Variants in PTPRD observed in about 807,000 individuals in gnomAD.
PTPRD encodes the protein receptor-type tyrosine-protein phosphatase delta.
In PTPRD, 34 loss-of-function variants were observed where a neutral mutation model predicts 214.5. The observed-to-expected ratio is 0.16, with a 90% CI of 0.12 to 0.21. PTPRD has a LOEUF of 0.21. Ranked by LOEUF, PTPRD falls within the 10% of genes least tolerant of loss-of-function variation. The pLI, the probability that PTPRD is intolerant of heterozygous loss-of-function variation, is 1.00. For synonymous variants in PTPRD, 1,128 were observed against 845.7 expected (o/e 1.33, Z -5.79); for missense variants, 2,545 against 2,398.7 (o/e 1.06, Z -1.27).
chr9:8,523,874 T>TA (rs1564056502), intron 18 of PTPRD, among the ~76,000 whole-genome samples: 2 of 151,876 alleles, frequency 1.3e-5, no homozygotes, highest in South Asian at 4.1e-4. Flanking sequence ...CCAGACTCCA[T>TA]AAAAAAAGAA....
intron 7 of PTPRD, among the ~76,000 whole-genome samples, chr9:9,718,927 G>T (rs2097884274): frequency 6.6e-6 from 1 of 151,996 alleles, no homozygotes; most frequent in Non-Finnish European, 1.5e-5. Flanking sequence ...GAGGCAGACA[G>T]GTTCCTAAGT....
intron 8 of PTPRD, among the ~76,000 whole-genome samples, chr9:9,543,466 TTTTTA>T (rs1185318824): frequency 6.6e-6 from 1 of 151,710 alleles, no homozygotes; most frequent in African/African-American, 2.4e-5. Flanking sequence ...AATATAATTG[TTTTTA>T]TTTTATGTAA....
intron 11 of PTPRD, among the ~76,000 whole-genome samples, chr9:8,787,630 G>A (rs73427044): frequency 0.013 from 1,915 of 152,310 alleles, 44 homozygotes; most frequent in African/African-American, 0.043. Flanking sequence ...GAAGAAGGTA[G>A]AGAAACGGAG....
At chr9:10,337,232 T>C (rs1325692305) in intron 3 of PTPRD, among the ~76,000 whole-genome samples, 3 of 151,700 alleles carry the variant, frequency 2.0e-5, no homozygotes, top group Non-Finnish European at 4.4e-5. Context: ...TGAAACAGAA[T>C]TTTCCCCCTC....
intron 11 of PTPRD, among the ~76,000 whole-genome samples, chr9:9,012,215 C>T (rs1421548704): frequency 1.3e-5 from 2 of 152,136 alleles, no homozygotes; most frequent in Non-Finnish European, 2.9e-5. Flanking sequence ...CTTGAGTAAA[C>T]TTGGAAGAGA....
chr9:8,958,854 A>G (rs1033213816), intron 11 of PTPRD: 1 of 152,022 alleles, frequency 6.6e-6, no homozygotes, highest in African/African-American at 2.4e-5. Flanking sequence ...GAGAGGTAAG[A>G]TAATAGAGAA....
At chr9:8,822,090 GT>G (rs1284845946) in intron 11 of PTPRD, among the ~76,000 whole-genome samples, 2 of 152,156 alleles carry the variant, frequency 1.3e-5, no homozygotes, top group Non-Finnish European at 2.9e-5. Context: ...ATTTTTAGTG[GT>G]TTTGGTTTTG....
intron 12 of PTPRD, among the ~76,000 whole-genome samples, chr9:8,637,775 C>T (rs1382324840): frequency 6.6e-6 from 1 of 152,050 alleles, no homozygotes; most frequent in Non-Finnish European, 1.5e-5. Context: ...ATTTCTGTCA[C>T]AGTGAAATAA....
chr9:8,516,043 G>A (rs971969930), intron 21 of PTPRD, among the ~76,000 whole-genome samples: 10 of 152,190 alleles, frequency 6.6e-5, no homozygotes, highest in African/African-American at 2.4e-4. Context: ...AATCACAGCT[G>A]AGAAATTTAA....
At chr9:9,581,018 C>A (rs1051446003) in intron 7 of PTPRD, among the ~76,000 whole-genome samples, 2 of 151,838 alleles carry the variant, frequency 1.3e-5, no homozygotes, top group African/African-American at 4.8e-5. Flanking sequence ...AAGGGGAGGA[C>A]ATGTGAAAGA....
intron 9 of PTPRD, among the ~76,000 whole-genome samples, chr9:9,206,331 G>A (rs1270218824): frequency 6.6e-6 from 1 of 152,154 alleles, no homozygotes; most frequent in Non-Finnish European, 1.5e-5. Flanking sequence ...GTGCGTAAAG[G>A]CATGACATGA....
intron 9 of PTPRD, among the ~76,000 whole-genome samples, chr9:9,321,099 C>T (rs1176084794): frequency 6.6e-6 from 1 of 152,174 alleles, no homozygotes; most frequent in Non-Finnish European, 1.5e-5. Context: ...CACAAATTAA[C>T]ATCACTGCAT....
At chr9:9,355,800 C>T (rs1016769722) in intron 9 of PTPRD, among the ~76,000 whole-genome samples, 1 of 151,250 alleles carries the variant, frequency 6.6e-6, no homozygotes, top group Non-Finnish European at 1.5e-5. Flanking sequence ...AAACCTGGAG[C>T]ATTTCAATGT....
At chr9:10,336,397 A>T (rs2096844114) in intron 3 of PTPRD, among the ~76,000 whole-genome samples, 1 of 151,646 alleles carries the variant, frequency 6.6e-6, no homozygotes, top group African/African-American at 2.4e-5. Flanking sequence ...GAGCATGAGG[A>T]TTATGGGTGG....
intron 5 of PTPRD, among the ~76,000 whole-genome samples, chr9:9,904,173 G>A (rs1474460503): frequency 2.0e-5 from 3 of 151,994 alleles, no homozygotes; most frequent in African/African-American, 7.2e-5. Context: ...AGTGTGTCTG[G>A]GTCTAAAGCT....
At chr9:8,987,422 C>G (rs1361117171) in intron 11 of PTPRD, among the ~76,000 whole-genome samples, 1 of 152,130 alleles carries the variant, frequency 6.6e-6, no homozygotes, top group Non-Finnish European at 1.5e-5. Context: ...GCAGCTCCAT[C>G]TTAGCTTTCC....
intron 3 of PTPRD, among the ~76,000 whole-genome samples, chr9:10,152,873 T>A (rs914099564): frequency 6.6e-6 from 1 of 151,826 alleles, no homozygotes; most frequent in Admixed American, 6.6e-5. Flanking sequence ...ACAGCATGGA[T>A]GAAGCTGGAG....
chr9:9,589,639 G>C (rs994709845), intron 7 of PTPRD, among the ~76,000 whole-genome samples: 1 of 151,940 alleles, frequency 6.6e-6, no homozygotes, highest in African/African-American at 2.4e-5. Context: ...TATAGCAATA[G>C]GATTTATGTG....
rs188274523 is a variant in PTPRD, at chr9:8,517,832, C to G, written c.1543+16G>C. The stretch of plus-strand genomic sequence containing the variant: ...CCCTTCCCTCCTGCCCTATTTCCCT[C>G]CTCAACCAAACTTACCTCCTGTCTG... On this transcript the variant is annotated intron_variant, in intron 21 of 45. Coordinates refer to ENST00000381196, the MANE Select transcript of PTPRD (RefSeq NM_002839.4). 2.5e-6 allele frequency: 4 copies of G among 1,603,212 alleles called. No individual in the cohort carries two copies. The East Asian group carries it at 8.9e-5, about 36-fold the overall frequency.
Sources: gnomAD v4.1 joint callset for allele counts (sites outside exome capture counted in the v4.1 genomes callset) on GRCh38, gnomAD v4.1.1 for gene constraint, MANE v1.5 for transcripts, NCBI Gene and HGNC (gene_info 2026-07-23, HGNC 2026-07-21) for gene names.